The following PPP3R1 variants were observed in gnomAD, a reference collection of about 807,000 sequenced individuals.
PPP3R1 encodes the protein calcineurin subunit B type 1.
In PPP3R1, 5 loss-of-function variants were observed where a neutral mutation model predicts 22.6. The ratio of observed to expected loss-of-function variants is 0.22; its 90% CI spans 0.12 to 0.46. The LOEUF is 0.46. Among genes scored for constraint, PPP3R1 ranks in the 20% least tolerant of loss-of-function variants. The probability of loss-of-function intolerance (pLI) is 0.99; values close to 1 mark genes in which losing one functional copy is unlikely to be tolerated. For missense variants in PPP3R1, 61 were observed against 203.2 expected, an observed-to-expected ratio of 0.30 and a Z score of 4.25; for synonymous variants, 56 against 65.2, an observed-to-expected ratio of 0.86 and a Z score of 0.68.
intron 2 of PPP3R1, among the ~76,000 whole-genome samples, chr2:68,198,062 C>CAAAAAAAAAAAAAAAAAAAAAAA (rs199824687): frequency 7.1e-5 from 3 of 42,004 alleles, no homozygotes; most frequent in African/African-American, 3.3e-4. Flanking sequence ...GCACCTTTGG[C>CAAAAAAAAAAAAAAAAAAAAAAA]AAAAAAAAAA....
chr2:68,201,170 C>G (rs556064779), intron 2 of PPP3R1, among the ~76,000 whole-genome samples: 2 of 152,192 alleles, frequency 1.3e-5, no homozygotes, highest in African/African-American at 4.8e-5. Context: ...CTTATTTTAT[C>G]TACTGTTCCT....
chr2:68,222,224 C>T (rs571009354), intron 1 of PPP3R1, among the ~76,000 whole-genome samples: 2 of 152,184 alleles, frequency 1.3e-5, no homozygotes, highest in Non-Finnish European at 2.9e-5. Flanking sequence ...GGATCTTACA[C>T]TGTAAGAGAA....
At chr2:68,187,226 G>A in intron 4 of PPP3R1, 29 bp downstream of exon 4, 1 of 1,541,950 alleles carries the variant, frequency 6.5e-7, no homozygotes, top group African/African-American at 1.4e-5. Context: ...TAGTATAAGA[G>A]AATGAAGTCA....
At chr2:68,181,034 A>T in intron 5 of PPP3R1, 24 bp from the exon 6 acceptor site, 1 of 1,605,918 alleles carries the variant, frequency 6.2e-7, no homozygotes, top group Non-Finnish European at 8.5e-7. Context: ...GAACAAATCA[A>T]GCTTCACAGT....
Position 68,251,844 on chromosome 2 carries a change from G to C in PPP3R1, c.3+281C>G, listed in dbSNP as rs542433847. 2.0e-5 allele frequency among the ~76,000 whole-genome samples: 3 copies of C among 147,454 alleles called. No individual in the cohort carries two copies. In the South Asian group the frequency reaches 6.3e-4, roughly 31 times the overall value. Reference sequence around the variant, plus strand: ...GCGGGGGTCGATGCCGGGCGGGACCGGCGGCGCGGGGGTGGGGCGACGGCG... The same window carrying C: ...GCGGGGGTCGATGCCGGGCGGGACCCGCGGCGCGGGGGTGGGGCGACGGCG... On this transcript the variant is annotated intron_variant, in intron 1 of 5. Transcript: ENST00000234310.
In PPP3R1 at chr2:68,242,572, G is replaced by A. The variant is rs189439165; in HGVS notation, c.3+9553C>T. ...AAGTTCACTCTTTACTTGAGAAAGAGTATAAGTTAGTTTATAATTCATGAA... is the reference window on the plus strand; with the variant it reads ...AAGTTCACTCTTTACTTGAGAAAGAATATAAGTTAGTTTATAATTCATGAA... On this transcript the variant is annotated intron_variant, in intron 1 of 5. Coordinates refer to ENST00000234310, the MANE Select transcript of PPP3R1 (RefSeq NM_000945.4). Among the ~76,000 whole-genome samples the A allele has an allele frequency of 7.8e-4, 119 of 152,332 alleles. 1 individual carries two copies. Among genetic ancestry groups the A allele is most frequent in the African/African-American group, 2.8e-3 (115 of 41,562 alleles).
chr2:68,181,193 T>C (rs1339657967), intron 5 of PPP3R1, among the ~76,000 whole-genome samples, 183 bp from the exon 6 acceptor site: 1 of 152,064 alleles, frequency 6.6e-6, no homozygotes, highest in African/African-American at 2.4e-5. Context: ...ATCGAGACCA[T>C]CCTGGCTAAC....
chr2:68,212,629 A>T (rs932660020), intron 2 of PPP3R1, among the ~76,000 whole-genome samples: 1 of 152,236 alleles, frequency 6.6e-6, no homozygotes, highest in African/African-American at 2.4e-5. Flanking sequence ...TTTGAAAGAA[A>T]TCTTTTTTTC....
rs1365468603 is a variant in PPP3R1 at position 68,179,345 on chromosome 2, A to G, written c.*1618T>C. Reference sequence around the variant, plus strand: ...AACATTATCTTTTAAAATTATGCAAATTATGTAAACAAGAGGTACATTTTA... The same window carrying G: ...AACATTATCTTTTAAAATTATGCAAGTTATGTAAACAAGAGGTACATTTTA... On this transcript the variant is annotated 3_prime_UTR_variant, in exon 6 of 6. Coordinates refer to ENST00000234310, the MANE Select transcript of PPP3R1 (RefSeq NM_000945.4). 2.0e-5 allele frequency: 3 copies of G among 152,294 alleles called. No individual in the cohort carries two copies. Among genetic ancestry groups the G allele is most frequent in the Non-Finnish European group, 4.4e-5 (3 of 68,050 alleles). 9.4% of individuals were successfully genotyped at this position (152,294 alleles called of 1,614,324 possible). A position where few individuals can be genotyped will look rare whatever the true frequency, so the allele number is the denominator to read the frequency against.
chr2:68,189,434 T>C (rs1020742833), intron 2 of PPP3R1, among the ~76,000 whole-genome samples: 2 of 152,138 alleles, frequency 1.3e-5, no homozygotes, highest in Non-Finnish European at 1.5e-5. Flanking sequence ...TCAGGTCTCT[T>C]ATATAAATTC....
At chr2:68,217,038 A>ACACACACG in intron 2 of PPP3R1, 54 bp downstream of exon 2, 1 of 1,267,792 alleles carries the variant, frequency 7.9e-7, no homozygotes, top group Non-Finnish European at 1.1e-6. Flanking sequence ...ACACACACAC[A>ACACACACG]CAGAGAGAGA....
intron 1 of PPP3R1, among the ~76,000 whole-genome samples, chr2:68,223,644 A>G (rs749639923): frequency 9.9e-5 from 15 of 152,150 alleles, no homozygotes; most frequent in Non-Finnish European, 1.9e-4. Flanking sequence ...ACAAATTGCA[A>G]CATCCATTTT....
intron 2 of PPP3R1, among the ~76,000 whole-genome samples, chr2:68,194,419 A>G (rs1674728268): frequency 6.6e-6 from 1 of 152,124 alleles, no homozygotes; most frequent in Admixed American, 6.5e-5. Flanking sequence ...TAGAGAGCTC[A>G]TGTTGCTACA....
At chr2:68,187,408 T>G in intron 3 of PPP3R1, 94 bp from the exon 4 acceptor site, 1 of 1,143,838 alleles carries the variant, frequency 8.7e-7, no homozygotes, top group Non-Finnish European at 1.3e-6. Context: ...GGATATTTCC[T>G]TGCTGCAAAA....
intron 1 of PPP3R1, among the ~76,000 whole-genome samples, chr2:68,218,732 T>TG (rs1669627359): frequency 2.6e-5 from 4 of 152,100 alleles, no homozygotes; most frequent in African/African-American, 9.7e-5. Context: ...CTGTGAGTTT[T>TG]TTTTTTTTTA....
intron 2 of PPP3R1, 51 bp downstream of exon 2, chr2:68,217,036 ACACAG>A: frequency 1.3e-6 from 1 of 759,494 alleles, no homozygotes; most frequent in Non-Finnish European, 1.8e-6. Flanking sequence ...ACACACACAC[ACACAG>A]AGAGAGATGA....
At chr2:68,224,374 T>C (rs750518617) in intron 1 of PPP3R1, among the ~76,000 whole-genome samples, 34 of 152,100 alleles carry the variant, frequency 2.2e-4, no homozygotes, top group Non-Finnish European at 4.6e-4. Context: ...TAAAGAGTTA[T>C]GAAGGGCTGG....
intron 1 of PPP3R1, among the ~76,000 whole-genome samples, chr2:68,229,965 T>TACACACACACACAC (rs1157191768): frequency 2.0e-4 from 10 of 49,520 alleles, no homozygotes; most frequent in East Asian, 6.5e-4. Flanking sequence ...TGTGTATATA[T>TACACACACACACAC]ACACACATAC....
At chr2:68,188,869 A>G (rs1158677858) in intron 2 of PPP3R1, among the ~76,000 whole-genome samples, 179 bp from the exon 3 acceptor site, 1 of 152,184 alleles carries the variant, frequency 6.6e-6, no homozygotes, top group Non-Finnish European at 1.5e-5. Flanking sequence ...TATGTTAACT[A>G]ATTTATTCTA....
Sources: allele counts gnomAD v4.1 joint callset (sites outside exome capture counted in the v4.1 genomes callset), GRCh38; gene constraint gnomAD v4.1.1; transcripts MANE v1.5; gene names NCBI Gene and HGNC (gene_info 2026-07-23, HGNC 2026-07-21).